The following CNKSR2 variants were observed in gnomAD, a reference collection of about 807,000 sequenced individuals.
CNKSR2 encodes the protein connector enhancer of kinase suppressor of Ras 2.
In CNKSR2, 14 loss-of-function variants were observed where a neutral mutation model predicts 84.4. That is an observed-to-expected ratio of 0.17 (90% confidence interval 0.11 to 0.26). CNKSR2 has a LOEUF of 0.26. Among genes scored for constraint, CNKSR2 ranks in the 10% least tolerant of loss-of-function variants. The probability of loss-of-function intolerance (pLI) is 1.00; values close to 1 mark genes in which losing one functional copy is unlikely to be tolerated. For missense variants in CNKSR2, 485 were observed against 771.2 expected, an observed-to-expected ratio of 0.63 and a Z score of 4.40; for synonymous variants, 275 against 277.9, an observed-to-expected ratio of 0.99 and a Z score of 0.10.
At chrX:21,423,977 C>G (rs1161251809) in intron 1 of CNKSR2, 4 of 110,843 alleles carry the variant, frequency 3.6e-5, no homozygotes. Flanking sequence ...TGTGTTTTTT[C>G]AGTCTTGAGA....
At chrX:21,619,427 T>C (rs1392939168) in intron 20 of CNKSR2, among the ~76,000 whole-genome samples, 2 of 111,652 alleles carry the variant, frequency 1.8e-5, no homozygotes, top group African/African-American at 6.5e-5. Context: ...ACCTTAAAAT[T>C]TTAAATAGTT....
intron 1 of CNKSR2, among the ~76,000 whole-genome samples, chrX:21,383,907 C>G (rs960927737): frequency 9.0e-6 from 1 of 111,554 alleles, no homozygotes; most frequent in African/African-American, 3.3e-5. Context: ...TTAGTAAAAA[C>G]CTTTAACAAT....
intron 8 of CNKSR2, chrX:21,506,359 G>C (rs2091612148): frequency 2.7e-5 from 3 of 111,262 alleles, no homozygotes; most frequent in Admixed American, 9.5e-5. Flanking sequence ...AATGATTTTA[G>C]TTACTCATAA....
intron 17 of CNKSR2, among the ~76,000 whole-genome samples, chrX:21,600,009 A>G (rs956421177): frequency 1.8e-5 from 2 of 111,839 alleles, no homozygotes; most frequent in Non-Finnish European, 3.8e-5. Context: ...ATTTTATTCC[A>G]GTTCTACTCC....
chrX:21,488,484 A>T (rs1170238318), intron 5 of CNKSR2, among the ~76,000 whole-genome samples: 1 of 111,740 alleles, frequency 8.9e-6, no homozygotes, highest in Non-Finnish European at 1.9e-5. Flanking sequence ...CTGTCTTCAG[A>T]TCAAGCCCAT....
Position 21,411,845 on chromosome X carries a change from A to G in CNKSR2, c.65-14652A>G, listed in dbSNP as rs2090350112. On this transcript the variant is annotated intron_variant, in intron 1 of 21. Coordinates refer to ENST00000379510, the MANE Select transcript of CNKSR2 (RefSeq NM_014927.5). ...TAACATGATTCTCTCTCAATAAACT[A>G]TTACCTCAGTGAAAGCAGGGGCCAT... 2.7e-5 allele frequency among the ~76,000 whole-genome samples: 3 copies of G among 111,150 alleles called. No homozygotes were observed. In the South Asian group the frequency reaches 1.1e-3, roughly 42 times the overall value.
At chrX:21,553,921 G>C (rs1250114596) in intron 11 of CNKSR2, among the ~76,000 whole-genome samples, 1 of 111,464 alleles carries the variant, frequency 9.0e-6, no homozygotes, top group Admixed American at 9.5e-5. Flanking sequence ...TTTTAGCCTA[G>C]CTCATTTTAT....
chrX:21,438,144 C>T (rs770136016), intron 3 of CNKSR2, among the ~76,000 whole-genome samples: 2 of 111,564 alleles, frequency 1.8e-5, no homozygotes, highest in African/African-American at 3.3e-5. Context: ...ATAGAGTGTG[C>T]TTACATAACC....
At chrX:21,426,821 A>G in intron 2 of CNKSR2, 161 bp downstream of exon 2, 1 of 526,607 alleles carries the variant, frequency 1.9e-6, no homozygotes, top group Non-Finnish European at 2.9e-6. Context: ...CCTTAAATTT[A>G]TTATATTAGT....
chrX:21,571,690 G>T (rs755432390), intron 13 of CNKSR2, among the ~76,000 whole-genome samples: 5 of 111,977 alleles, frequency 4.5e-5, no homozygotes, highest in Non-Finnish European at 9.4e-5. Flanking sequence ...AGCCATATCT[G>T]CTCATAAGGA....
At chrX:21,460,083 A>T (rs2091042623) in intron 4 of CNKSR2, among the ~76,000 whole-genome samples, 1 of 111,682 alleles carries the variant, frequency 9.0e-6, no homozygotes, top group Non-Finnish European at 1.9e-5. Flanking sequence ...TCTTCCCACC[A>T]TACATACTCT....
chrX:21,480,820 G>T (rs2091311183), intron 5 of CNKSR2, among the ~76,000 whole-genome samples: 1 of 112,010 alleles, frequency 8.9e-6, no homozygotes, highest in African/African-American at 3.2e-5. Flanking sequence ...ATTCTTAGAT[G>T]ATTATTATCT....
At chrX:21,419,248 A>G (rs1409338704) in intron 1 of CNKSR2, among the ~76,000 whole-genome samples, 2 of 110,607 alleles carry the variant, frequency 1.8e-5, no homozygotes, top group East Asian at 5.7e-4. Context: ...ATTCTTTTAG[A>G]TTATTTCAAT....
At chrX:21,409,984 A>G (rs1170689664) in intron 1 of CNKSR2, among the ~76,000 whole-genome samples, 1 of 110,692 alleles carries the variant, frequency 9.0e-6, no homozygotes, top group Non-Finnish European at 1.9e-5. Context: ...GCTGGCAATT[A>G]CAAAAACGGC....
chrX:21,490,680 C>A, intron 6 of CNKSR2, 102 bp downstream of exon 6: 1 of 877,778 alleles, frequency 1.1e-6, no homozygotes, highest in Non-Finnish European at 1.5e-6. Flanking sequence ...TTTCAACAGA[C>A]ACTGAACATT....
intron 1 of CNKSR2, among the ~76,000 whole-genome samples, chrX:21,422,528 A>G (rs1178817288): frequency 8.9e-6 from 1 of 112,460 alleles, no homozygotes; most frequent in East Asian, 2.8e-4. Context: ...AAAGTCAGCA[A>G]AGATAAACAT....
rs372772155 is a variant in CNKSR2 at position 21,405,422 on chromosome X, T to C, written c.65-21075T>C. 9.8e-5 allele frequency among the ~76,000 whole-genome samples: 11 copies of C among 111,839 alleles called. No individual in the cohort carries two copies. The East Asian group carries it at 3.1e-3, about 31-fold the overall frequency. On this transcript the variant is annotated intron_variant, in intron 1 of 21. Transcript: ENST00000379510. ...TTATTGGTTTTTTACCTATTGTGAA[T>C]AGAATTTTTTTCATTACATTTTCTA...
chrX:21,469,519 A>C (rs1356546563), intron 4 of CNKSR2, among the ~76,000 whole-genome samples: 1 of 111,303 alleles, frequency 9.0e-6, no homozygotes, highest in Non-Finnish European at 1.9e-5. Flanking sequence ...TCATTTCTTA[A>C]AATATTCAGT....
intron 20 of CNKSR2, among the ~76,000 whole-genome samples, chrX:21,639,722 T>A: frequency 9.0e-6 from 1 of 111,526 alleles, no homozygotes. Context: ...AGTGCAAAAA[T>A]TGCTGTTACT....
Sources: gnomAD v4.1 joint callset for allele counts (sites outside exome capture counted in the v4.1 genomes callset) on GRCh38, gnomAD v4.1.1 for gene constraint, MANE v1.5 for transcripts, NCBI Gene and HGNC (gene_info 2026-07-23, HGNC 2026-07-21) for gene names.